CNTN4: variants seen among roughly 807,000 people sequenced by gnomAD.
CNTN4 encodes contactin 4, also known as contactin-4.
Under a neutral mutation model 122.5 loss-of-function variants are expected in CNTN4, and 77 were observed. The ratio of observed to expected loss-of-function variants is 0.63; its 90% CI spans 0.52 to 0.76. The LOEUF is 0.76. CNTN4 is among the 30% of genes least tolerant of loss of function. The pLI is 0.00. For synonymous variants in CNTN4, 512 were observed against 447.0 expected (o/e 1.15, Z -1.83); for missense variants, 1,256 against 1,259.1 (o/e 1.00, Z 0.04).
At chr3:2,494,021 T>C (rs1254548824) in intron 3 of CNTN4, among the ~76,000 whole-genome samples, 2 of 151,796 alleles carry the variant, frequency 1.3e-5, no homozygotes, top group Non-Finnish European at 2.9e-5. Context: ...CTGGATTGTT[T>C]ATTAGGATTT....
chr3:2,292,318 C>T (rs562918249), intron 2 of CNTN4, among the ~76,000 whole-genome samples: 4 of 152,284 alleles, frequency 2.6e-5, no homozygotes, highest in East Asian at 1.9e-4. Context: ...GAATAATTGT[C>T]ACTTAGGATT....
chr3:2,640,769 A>T (rs948185908), intron 4 of CNTN4, among the ~76,000 whole-genome samples: 1 of 152,222 alleles, frequency 6.6e-6, no homozygotes, highest in Middle Eastern at 3.4e-3. Context: ...CAGATTTTCC[A>T]CTCCTGTGAT....
intron 14 of CNTN4, among the ~76,000 whole-genome samples, chr3:3,015,324 C>G (rs1697642177): frequency 6.6e-6 from 1 of 151,138 alleles, no homozygotes; most frequent in South Asian, 2.1e-4. Flanking sequence ...CTCAAACAAG[C>G]TAGTCAGTGG....
intron 3 of CNTN4, among the ~76,000 whole-genome samples, chr3:2,541,918 A>G (rs1359095028): frequency 6.6e-6 from 1 of 152,098 alleles, no homozygotes; most frequent in Non-Finnish European, 1.5e-5. Flanking sequence ...TCTCTGTGGA[A>G]CTGAGTTGTG....
At chr3:2,645,347 G>A (rs1322136958) in intron 4 of CNTN4, among the ~76,000 whole-genome samples, 2 of 152,156 alleles carry the variant, frequency 1.3e-5, no homozygotes, top group Admixed American at 6.5e-5. Flanking sequence ...AGAACATGAT[G>A]TTATTAACTT....
chr3:2,376,737 T>TTCC (rs1170803602), intron 3 of CNTN4, among the ~76,000 whole-genome samples: 1 of 152,060 alleles, frequency 6.6e-6, no homozygotes, highest in Non-Finnish European at 1.5e-5. Flanking sequence ...GCTCTGCTAT[T>TTCC]TCCACTTTTG....
chr3:3,040,172 G>C lies in CNTN4; in HGVS notation c.2299G>C (p.Val767Leu), dbSNP rs200039799. The change falls in exon 20 of 25, where the codon GTG becomes CTG. Residue 767 changes from valine (V) to leucine (L), a missense_variant. Val to Leu is a conservative substitution (Grantham distance 32, BLOSUM62 1). Transcript: ENST00000418658. ...TAGATACGTGTTCAGGAATGAGAGC[G>C]TGCACCCCTTCTCTCCCTTTGAGGT... ...ASRYVFRNES[V>L]HPFSPFEVKV... 1 of 1,614,020 alleles carries C rather than the reference G, an allele frequency of 6.2e-7. No homozygotes were observed. Among genetic ancestry groups the C allele is most frequent in the Non-Finnish European group, 8.5e-7 (1 of 1,179,974 alleles).
chr3:2,895,612 TTA>T (rs1391289643), intron 10 of CNTN4, among the ~76,000 whole-genome samples: 1 of 152,182 alleles, frequency 6.6e-6, no homozygotes, highest in Non-Finnish European at 1.5e-5. Flanking sequence ...CAGTTGTAAC[TTA>T]TGTGGAGATG....
At chr3:2,883,330 G>C in intron 9 of CNTN4, 83 bp downstream of exon 9, 1 of 989,096 alleles carries the variant, frequency 1.0e-6, no homozygotes, top group Admixed American at 2.0e-5. Context: ...CACAGCGATG[G>C]TTTCTGAGGT....
At chr3:2,815,033 T>C (rs1274351568) in intron 6 of CNTN4, among the ~76,000 whole-genome samples, 1 of 152,158 alleles carries the variant, frequency 6.6e-6, no homozygotes, top group Non-Finnish European at 1.5e-5. Context: ...GTACCAAGGC[T>C]TTGGAGATAA....
chr3:2,916,963 G>C (rs1228024100), intron 12 of CNTN4, among the ~76,000 whole-genome samples: 3 of 139,384 alleles, frequency 2.2e-5, no homozygotes. Context: ...CTGGGAGGTG[G>C]AGGTTGCAGC....
chr3:2,673,787 C>T (rs1037761304), intron 4 of CNTN4, among the ~76,000 whole-genome samples: 5 of 152,196 alleles, frequency 3.3e-5, no homozygotes, highest in Admixed American at 3.3e-4. Flanking sequence ...CGTGATCCGC[C>T]TGCCTCAGCC....
intron 7 of CNTN4, among the ~76,000 whole-genome samples, chr3:2,833,854 A>G (rs890882492): frequency 1.3e-5 from 2 of 152,176 alleles, no homozygotes; most frequent in Non-Finnish European, 2.9e-5. Context: ...AATATAAACA[A>G]CTGGGCTGGG....
chr3:2,343,526 T>A (rs1300097539), intron 3 of CNTN4, among the ~76,000 whole-genome samples: 4 of 152,182 alleles, frequency 2.6e-5, no homozygotes, highest in Admixed American at 2.6e-4. Flanking sequence ...ATAGTGTAAC[T>A]AAGTAACCAG....
chr3:2,616,269 G>A (rs1303048749), intron 4 of CNTN4, among the ~76,000 whole-genome samples: 1 of 151,920 alleles, frequency 6.6e-6, no homozygotes, highest in African/African-American at 2.4e-5. Flanking sequence ...TCTTGTGTCA[G>A]TTTGCTGAGG....
chr3:2,353,579 CCGGGAGGAATGAGCAACTCTGGA>C (rs1342711964), intron 3 of CNTN4, among the ~76,000 whole-genome samples: 1 of 152,140 alleles, frequency 6.6e-6, no homozygotes. Flanking sequence ...CACGAACCCA[CCGGGAGGAATGAGCAACTCTGGA>C]CGGGAGGAAT....
At chr3:3,028,231 A>T (rs1416426363) in intron 15 of CNTN4, among the ~76,000 whole-genome samples, 1 of 152,184 alleles carries the variant, frequency 6.6e-6, no homozygotes, top group Non-Finnish European at 1.5e-5. Flanking sequence ...CCCACCGAGT[A>T]TTCTGTCAGG....
chr3:2,398,354 A>G lies in CNTN4; in HGVS notation c.-89+59121A>G, dbSNP rs80061955. 4.2e-3 allele frequency among the ~76,000 whole-genome samples: 634 copies of G among 152,260 alleles called. 6 individuals are homozygous for G. Among genetic ancestry groups the G allele is most frequent in the African/African-American group, 0.015 (621 of 41,570 alleles). On this transcript the variant is annotated intron_variant, in intron 3 of 24. Transcript: ENST00000418658. ...TTCTATTTTAAATTAATTGCTTTCT[A>G]TAGGCAAATTAGGGGCAAATATTCA... is the stretch of plus-strand genomic sequence containing the variant.
chr3:2,178,779 G>C (rs1416523223), intron 2 of CNTN4, among the ~76,000 whole-genome samples: 1 of 151,956 alleles, frequency 6.6e-6, no homozygotes, highest in Non-Finnish European at 1.5e-5. Flanking sequence ...AACTCTAAAA[G>C]TGTAATTTGC....
Sources: allele counts gnomAD v4.1 joint callset (sites outside exome capture counted in the v4.1 genomes callset), GRCh38; gene constraint gnomAD v4.1.1; transcripts MANE v1.5; gene names NCBI Gene and HGNC (gene_info 2026-07-23, HGNC 2026-07-21).